TVP23A: variants seen among roughly 807,000 people sequenced by gnomAD.
TVP23A encodes trans-golgi network vesicle protein 23 homolog A.
A neutral mutation model predicts 31.7 loss-of-function variants in TVP23A; 21 were observed. That is an observed-to-expected ratio of 0.66 (90% CI 0.47 to 0.95). The LOEUF is 0.95. Ranked by LOEUF, TVP23A falls within the 40% of genes least tolerant of loss-of-function variation. The probability of loss-of-function intolerance (pLI) is 0.00; values close to 1 mark genes in which losing one functional copy is unlikely to be tolerated. For synonymous variants in TVP23A, 104 were observed against 96.0 expected (o/e 1.08, Z -0.49); for missense variants, 279 against 255.6 (o/e 1.09, Z -0.62).
chr16:10,765,452 G>A (rs796432938), downstream of TVP23A, among the ~76,000 whole-genome samples: 1 of 151,924 alleles, frequency 6.6e-6, no homozygotes, highest in African/African-American at 2.4e-5. The surrounding 1 kb of genome is among the most constrained non-coding windows in gnomAD (Gnocchi z 4.0). Flanking sequence ...AGGTTGCAGT[G>A]AGCCATGATC....
At chr16:10,803,770 T>A (rs4780324) in intron 2 of TVP23A, among the ~76,000 whole-genome samples, 3 of 151,786 alleles carry the variant, frequency 2.0e-5, no homozygotes, top group African/African-American at 7.3e-5. Flanking sequence ...TGGGTAGACA[T>A]TGGGGTTGTG....
At position 10,768,949 on chromosome 16, in the gene TVP23A, T is replaced by C; in HGVS notation, c.*153A>G. The C allele has an allele frequency of 2.8e-6, 3 of 1,055,330 alleles. No homozygotes were observed. Among genetic ancestry groups the C allele is most frequent in the Non-Finnish European group, 4.4e-6 (3 of 685,188 alleles). The allele number at this position is 1,055,330 out of a possible 1,614,324, so 65.4% of individuals were successfully genotyped here. On this transcript the variant is annotated 3_prime_UTR_variant, in exon 8 of 8. Coordinates refer to ENST00000299866, the MANE Select transcript of TVP23A (RefSeq NM_001079512.4). The surrounding 1 kb of genome is among the most constrained non-coding windows in gnomAD (Gnocchi z 4.3). ...CTTTTTATGGAACTAGCCAGAGGAT[T>C]CCACCCCTGTCAAAACACAGCCCTC...
In TVP23A at chr16:10,771,681, CTG is replaced by C; in HGVS notation, c.569_570del (p.Thr190SerfsTer9). 1.2e-6 allele frequency: 2 copies of C among 1,613,874 alleles called. No homozygotes were observed. The highest frequency in any genetic ancestry group is 1.7e-6 in the Non-Finnish European group (2 of 1,179,850). ...CCTCAGTTACTCACCGTCTGGAACA[CTG>C]TCTGGGACAGGAAACTGGCTGTGAC... Reference protein sequence around the residue: ...GKVTASFLSQTVFQTACPGDF... With the variant: ...GKVTASFLSQXVFQTACPGDF... On this transcript the variant is annotated frameshift_variant, in exon 6 of 8. Transcript: ENST00000299866. LOFTEE classifies it high-confidence loss of function.
Position 10,768,996 on chromosome 16 carries a change from C to T in TVP23A, c.*106G>A, listed in dbSNP as rs2031303412. 2 of 1,540,992 alleles carry T rather than the reference C, an allele frequency of 1.3e-6. No individual in the cohort carries two copies. Among genetic ancestry groups the T allele is most frequent in the East Asian group, 4.5e-5 (2 of 44,526 alleles). ...CCTCCCCAGCACAGGACAGGGCTGT[C>T]AAGGGGTAGACAAGCCATTAGCACT... On this transcript the variant is annotated 3_prime_UTR_variant, in exon 8 of 8. Coordinates refer to ENST00000299866, the MANE Select transcript of TVP23A (RefSeq NM_001079512.4). This position sits in a 1 kb window ranked among gnomAD's most constrained non-coding sequence, Gnocchi z 4.3.
downstream of TVP23A, among the ~76,000 whole-genome samples, chr16:10,758,342 T>C (rs1351695803): frequency 6.6e-6 from 1 of 152,036 alleles, no homozygotes; most frequent in Admixed American, 6.5e-5. Flanking sequence ...GCATGGTGGC[T>C]CGCGCCTGTA....
intron 2 of TVP23A, among the ~76,000 whole-genome samples, chr16:10,778,452 T>C (rs971151973): frequency 6.6e-6 from 1 of 152,168 alleles, no homozygotes; most frequent in African/African-American, 2.4e-5. Context: ...CTGAATAAAA[T>C]TTTGTCCCTT....
intron 2 of TVP23A, among the ~76,000 whole-genome samples, chr16:10,806,932 A>G (rs2033973543): frequency 6.6e-6 from 1 of 152,234 alleles, no homozygotes; most frequent in Non-Finnish European, 1.5e-5. Flanking sequence ...TGCCCTAATC[A>G]AAGAGAACTG....
chr16:10,757,915 TCGACTACCTCATTGTGGACA>T, downstream of TVP23A: 1 of 1,610,836 alleles, frequency 6.2e-7, no homozygotes, highest in Non-Finnish European at 8.5e-7. The surrounding 1 kb of genome is among the most constrained non-coding windows in gnomAD (Gnocchi z 4.1). Flanking sequence ...TGGGGAGAGG[TCGACTACCTCATTGTGGACA>T]CCCCACCTGG....
At chr16:10,773,513 T>C in intron 4 of TVP23A, 72 bp from the exon 5 acceptor site, 1 of 1,487,170 alleles carries the variant, frequency 6.7e-7, no homozygotes, top group Non-Finnish European at 9.0e-7. Context: ...CACATTTTCA[T>C]TTATTTTATT....
chr16:10,816,107 G>A (rs2143010191), intron 2 of TVP23A, among the ~76,000 whole-genome samples: 1 of 151,868 alleles, frequency 6.6e-6, no homozygotes, highest in East Asian at 1.9e-4. Context: ...AACACCTATA[G>A]TCCTAGCTAC....
At chr16:10,796,655 GTCTTGA>G (rs1465792346) in intron 2 of TVP23A, among the ~76,000 whole-genome samples, 1 of 152,008 alleles carries the variant, frequency 6.6e-6, no homozygotes, top group Non-Finnish European at 1.5e-5. Context: ...GGCCAGGATG[GTCTTGA>G]TCTCCTGACC....
Position 10,818,085 on chromosome 16 carries a change from A to T in TVP23A, c.89+18T>A, listed in dbSNP as rs903099189. ...GCAGCTTTGGGGAACGCCTGACCCA[A>T]GCTCCATCCCAACACACCTGATCTT... On this transcript the variant is annotated intron_variant, in intron 2 of 7. Transcript: ENST00000299866. The surrounding 1 kb of genome is among the most constrained non-coding windows in gnomAD (Gnocchi z 4.7). The T allele has an allele frequency of 1.3e-6, 2 of 1,599,470 alleles. No individual in the cohort carries two copies. Among genetic ancestry groups the T allele is most frequent in the African/African-American group, 2.7e-5 (2 of 74,676 alleles).
At chr16:10,762,397 T>G (rs1284884315), downstream of TVP23A, among the ~76,000 whole-genome samples, 1 of 152,168 alleles carries the variant, frequency 6.6e-6, no homozygotes, top group African/African-American at 2.4e-5. Context: ...TCCCAAGAGA[T>G]GCCCACTCCC....
In TVP23A at chr16:10,818,659, G is replaced by T; in HGVS notation, c.-166C>A. Reference sequence around the variant, plus strand: ...AGCCTCAGCGCAGCTTCTCGGGTGGGGCGGGGCGCTCGGGGCCTAAGGCGC... The same window carrying T: ...AGCCTCAGCGCAGCTTCTCGGGTGGTGCGGGGCGCTCGGGGCCTAAGGCGC... On this transcript the variant is annotated 5_prime_UTR_variant, in exon 1 of 8. Transcript: ENST00000299866. The surrounding 1 kb of genome is among the most constrained non-coding windows in gnomAD (Gnocchi z 4.7). 2 of 825,736 alleles carry T rather than the reference G, an allele frequency of 2.4e-6. No individual in the cohort carries two copies. The highest frequency in any genetic ancestry group is 3.5e-6 in the Non-Finnish European group (2 of 574,614). The allele number at this position is 825,736 out of a possible 1,614,324, so 51.2% of individuals were successfully genotyped here.
chr16:10,777,635 C>G lies in TVP23A; in HGVS notation c.90-2539G>C, dbSNP rs935840233. 6.6e-6 allele frequency among the ~76,000 whole-genome samples: 1 copy of G among 152,202 alleles called. No homozygotes were observed. The highest frequency in any genetic ancestry group is 2.4e-5 in the African/African-American group (1 of 41,450). ...GCACCAACTATTCACCAGGATGGGT[C>G]TCATCTGAGCCTCTCAGGCTCTTGG... On this transcript the variant is annotated intron_variant, in intron 2 of 7. Coordinates refer to ENST00000299866, the MANE Select transcript of TVP23A (RefSeq NM_001079512.4). The surrounding 1 kb of genome is among the most constrained non-coding windows in gnomAD (Gnocchi z 4.5).
chr16:10,766,655 A>C (rs28573885), downstream of TVP23A: 391 of 277,208 alleles, frequency 1.4e-3, 5 homozygotes, highest in African/African-American at 3.8e-3. This position sits in a 1 kb window ranked among gnomAD's most constrained non-coding sequence, Gnocchi z 4.8. Flanking sequence ...TGGAACAAAA[A>C]ATTGGACAAA....
Position 10,767,277 on chromosome 16 carries a change from G to A in TVP23A, c.*1825C>T. On this transcript the variant is annotated 3_prime_UTR_variant, in exon 8 of 8. Transcript: ENST00000299866. The surrounding 1 kb of genome is among the most constrained non-coding windows in gnomAD (Gnocchi z 4.6). ...CCTTGTGTCCTGTCCACCTGGCTCT[G>A]GGATAACATGGTCCTAGAGAAACCT... 2.5e-6 allele frequency: 1 copy of A among 399,128 alleles called. No individual in the cohort carries two copies. Among genetic ancestry groups the A allele is most frequent in the Non-Finnish European group, 4.4e-6 (1 of 226,484 alleles). The allele number at this position is 399,128 out of a possible 1,614,324, so 24.7% of individuals were successfully genotyped here.
chr16:10,762,064 A>G (rs181486107), downstream of TVP23A: 219 of 517,020 alleles, frequency 4.2e-4, no homozygotes, highest in African/African-American at 3.9e-3. Flanking sequence ...AGCGGGAGCA[A>G]GCAGGCCTCA....
At chr16:10,803,072 T>A (rs1226125869) in intron 2 of TVP23A, among the ~76,000 whole-genome samples, 1 of 152,048 alleles carries the variant, frequency 6.6e-6, no homozygotes, top group Non-Finnish European at 1.5e-5. Context: ...TCACCTGAGG[T>A]CAGGAGTTCA....
Sources: allele counts gnomAD v4.1 joint callset (sites outside exome capture counted in the v4.1 genomes callset), GRCh38; gene constraint gnomAD v4.1.1; non-coding constraint Gnocchi (gnomAD v3.1); transcripts MANE v1.5; gene names NCBI Gene and HGNC (gene_info 2026-07-23, HGNC 2026-07-21).